The following VGLL3 variants were observed in gnomAD, a reference collection of about 807,000 sequenced individuals.
The protein encoded by VGLL3 is transcription cofactor vestigial-like protein 3.
Under a neutral mutation model 29.2 loss-of-function variants are expected in VGLL3, and 18 were observed. That is an observed-to-expected ratio of 0.62 (90% CI 0.43 to 0.91). The LOEUF is 0.91. VGLL3 is among the 40% of genes least tolerant of loss of function. The probability of loss-of-function intolerance (pLI) is 0.00; values close to 1 mark genes in which losing one functional copy is unlikely to be tolerated. For synonymous variants in VGLL3, 180 were observed against 151.8 expected, an observed-to-expected ratio of 1.19 and a Z score of -1.36; for missense variants, 440 against 413.2, an observed-to-expected ratio of 1.06 and a Z score of -0.56.
chr3:86,974,143 A>C (rs1209917567), intron 2 of VGLL3, among the ~76,000 whole-genome samples: 1 of 150,204 alleles, frequency 6.7e-6, no homozygotes, highest in African/African-American at 2.5e-5. Flanking sequence ...TTTTAGATAG[A>C]GTCTCACTCT....
chr3:86,987,366 T>A lies in VGLL3; in HGVS notation c.126+3252A>T, dbSNP rs956983104. 9.8e-5 allele frequency among the ~76,000 whole-genome samples: 15 copies of A among 152,300 alleles called. No homozygotes were observed. The East Asian group carries it at 1.9e-3, about 20-fold the overall frequency. ...CACTTAATTTTTTCAAGTGAAAGCA[T>A]GCATGCAGATTCATCCAGCTGTTAC... On this transcript the variant is annotated intron_variant, in intron 1 of 3. Transcript: ENST00000398399.
intron 3 of VGLL3, among the ~76,000 whole-genome samples, 157 bp downstream of exon 3, chr3:86,968,433 G>T (rs1468243822): frequency 6.6e-6 from 1 of 152,192 alleles, no homozygotes; most frequent in South Asian, 2.1e-4. Context: ...ACCAGTTTCT[G>T]CAGGAATGCA....
At chr3:86,963,445 G>A (rs57383190) in intron 3 of VGLL3, among the ~76,000 whole-genome samples, 12,147 of 152,164 alleles carry the variant, frequency 0.08, 1,275 homozygotes, top group African/African-American at 0.24. Flanking sequence ...GGGAAAATTG[G>A]GAGTTATTCC....
rs189682227 is a variant in VGLL3, at chr3:86,972,918, G to T, written c.404-3795C>A. On this transcript the variant is annotated intron_variant, in intron 2 of 3. Transcript: ENST00000398399. ...TTTATTTCTAGACAAAAAAGAAAATGATAATATTGATACATTGTCTAATAA... is the reference window on the plus strand; with the variant it reads ...TTTATTTCTAGACAAAAAAGAAAATTATAATATTGATACATTGTCTAATAA... 4.4e-3 allele frequency among the ~76,000 whole-genome samples: 677 copies of T among 152,136 alleles called. 3 individuals carry two copies. Among genetic ancestry groups the T allele is most frequent in the Non-Finnish European group, 6.7e-3 (452 of 67,968 alleles).
At chr3:86,967,868 C>G (rs1162035996) in intron 3 of VGLL3, among the ~76,000 whole-genome samples, 1 of 152,162 alleles carries the variant, frequency 6.6e-6, no homozygotes, top group African/African-American at 2.4e-5. Flanking sequence ...GAATTCCAGA[C>G]AGGAGATGAA....
chr3:86,979,717 A>T lies in VGLL3; in HGVS notation c.127-915T>A, dbSNP rs900914264. ...TTAAGTTACTTGCCAAAAGTCACAA[A>T]TCATGTAAGCTGCAGAGTCAGAATG... On this transcript the variant is annotated intron_variant, in intron 1 of 3. Coordinates refer to ENST00000398399, the MANE Select transcript of VGLL3 (RefSeq NM_016206.4). 3.1e-4 allele frequency among the ~76,000 whole-genome samples: 47 copies of T among 152,264 alleles called. 1 individual carries two copies. The highest frequency in any genetic ancestry group is 2.9e-3 in the Admixed American group (45 of 15,280).
chr3:86,948,574 T>C (rs777293351), intron 3 of VGLL3, among the ~76,000 whole-genome samples: 18 of 102,682 alleles, frequency 1.8e-4, no homozygotes, highest in Non-Finnish European at 3.5e-4. Context: ...ACTTTAAGTA[T>C]AATAATAATA....
intron 3 of VGLL3, among the ~76,000 whole-genome samples, chr3:86,960,457 AT>A (rs1297691202): frequency 6.6e-6 from 1 of 151,968 alleles, no homozygotes; most frequent in Non-Finnish European, 1.5e-5. Context: ...CCCTCAAACA[AT>A]TTTTTTCAGT....
intron 3 of VGLL3, among the ~76,000 whole-genome samples, chr3:86,953,175 A>G (rs1704648836): frequency 6.6e-6 from 1 of 152,160 alleles, no homozygotes; most frequent in Non-Finnish European, 1.5e-5. Context: ...ATCAAGTTAC[A>G]TAGTGTTTAG....
Position 86,969,036 on chromosome 3 carries a change from C to G in VGLL3, c.491G>C (p.Gly164Ala), listed in dbSNP as rs1223703918. ...SYQPPPAPCLGGVHPDFQVTG... is the reference protein window; with the variant it reads ...SYQPPPAPCLAGVHPDFQVTG... ...GACCTGGAAGTCAGGATGAACTCCC[C>G]CCAAACAAGGTGCAGGTGGGGGCTG... Residue 164 changes from glycine to alanine, a missense_variant, in exon 3 of 4, where the codon GGG becomes GCG. Transcript: ENST00000398399. 3.1e-6 allele frequency: 5 copies of G among 1,613,828 alleles called. No individual in the cohort carries two copies. The highest frequency in any genetic ancestry group is 1.7e-5 in the Admixed American group (1 of 59,980).
chr3:86,953,994 A>G (rs1704666077), intron 3 of VGLL3, among the ~76,000 whole-genome samples: 1 of 152,238 alleles, frequency 6.6e-6, no homozygotes, highest in Non-Finnish European at 1.5e-5. Flanking sequence ...TTATAATTAC[A>G]ATTCTTGCAC....
At chr3:86,985,019 A>G (rs1705407703) in intron 1 of VGLL3, among the ~76,000 whole-genome samples, 1 of 152,164 alleles carries the variant, frequency 6.6e-6, no homozygotes. Context: ...AGAAGATTTG[A>G]CCGAAACTAT....
intron 1 of VGLL3, 147 bp downstream of exon 1, chr3:86,990,471 G>T: frequency 4.8e-6 from 6 of 1,240,768 alleles, no homozygotes; most frequent in Non-Finnish European, 5.1e-6. Flanking sequence ...CGGCTCTCTC[G>T]GGATGGCTTT....
intron 1 of VGLL3, among the ~76,000 whole-genome samples, chr3:86,985,813 T>C (rs1213888251): frequency 2.0e-5 from 3 of 152,194 alleles, no homozygotes; most frequent in African/African-American, 7.2e-5. Flanking sequence ...TAACATATTA[T>C]CTATTACAAG....
At chr3:86,988,589 T>C (rs376734965) in intron 1 of VGLL3, among the ~76,000 whole-genome samples, 1 of 140,496 alleles carries the variant, frequency 7.1e-6, no homozygotes, top group African/African-American at 2.6e-5. Flanking sequence ...GTCAAGTCTT[T>C]TTTTTTTTAT....
intron 3 of VGLL3, chr3:86,962,280 C>T (rs1349485052): frequency 7.1e-6 from 7 of 985,374 alleles, no homozygotes; most frequent in Non-Finnish European, 8.4e-6. Context: ...TAAGAGTGAG[C>T]TCGCATGACA....
At chr3:86,975,984 G>A (rs1027719833) in intron 2 of VGLL3, among the ~76,000 whole-genome samples, 1 of 151,972 alleles carries the variant, frequency 6.6e-6, no homozygotes. Context: ...CATGGTGGAG[G>A]GTCCCTGTAA....
intron 3 of VGLL3, among the ~76,000 whole-genome samples, chr3:86,961,172 C>G (rs552645109): frequency 6.6e-6 from 1 of 151,892 alleles, no homozygotes; most frequent in Non-Finnish European, 1.5e-5. Context: ...TGTGGATCTA[C>G]AGATGAATAC....
chr3:86,951,697 C>T (rs1351131653), intron 3 of VGLL3, among the ~76,000 whole-genome samples: 2 of 148,444 alleles, frequency 1.3e-5, no homozygotes, highest in Non-Finnish European at 1.5e-5. Context: ...TAGAGACTCC[C>T]CCCTCTTTAG....
Sources: allele counts gnomAD v4.1 joint callset (sites outside exome capture counted in the v4.1 genomes callset), GRCh38; gene constraint gnomAD v4.1.1; transcripts MANE v1.5; gene names NCBI Gene and HGNC (gene_info 2026-07-23, HGNC 2026-07-21).